PTPRD: variants seen among roughly 807,000 people sequenced by gnomAD.
PTPRD encodes protein tyrosine phosphatase receptor type D, also known as receptor-type tyrosine-protein phosphatase delta.
Under a neutral mutation model 214.5 loss-of-function variants are expected in PTPRD, and 34 were observed. The observed-to-expected ratio is 0.16, with a 90% CI of 0.12 to 0.21. PTPRD has a LOEUF of 0.21. Among genes scored for constraint, PTPRD ranks in the 10% least tolerant of loss-of-function variants. PTPRD has a pLI of 1.00. For missense variants in PTPRD, 2,545 were observed against 2,398.7 expected (o/e 1.06, Z -1.27); for synonymous variants, 1,128 against 845.7 (o/e 1.33, Z -5.79).
chr9:8,705,131 A>C (rs779419371), intron 12 of PTPRD, among the ~76,000 whole-genome samples: 1 of 152,148 alleles, frequency 6.6e-6, no homozygotes, highest in Non-Finnish European at 1.5e-5. Context: ...CCACTCCCTG[A>C]CCCAAGGATT....
intron 20 of PTPRD, among the ~76,000 whole-genome samples, chr9:8,520,993 G>A (rs2097880191): frequency 6.6e-6 from 1 of 152,014 alleles, no homozygotes; most frequent in Non-Finnish European, 1.5e-5. Flanking sequence ...GGTCGACCAT[G>A]TGTAAAATTC....
intron 5 of PTPRD, among the ~76,000 whole-genome samples, chr9:9,795,008 A>G (rs1296571983): frequency 6.6e-6 from 1 of 152,218 alleles, no homozygotes; most frequent in African/African-American, 2.4e-5. Context: ...CTTAAAACCA[A>G]CAGCTTGAGC....
chr9:9,081,823 CTTT>C (rs201454000), intron 10 of PTPRD, among the ~76,000 whole-genome samples: 1,568 of 137,658 alleles, frequency 0.011, 22 homozygotes, highest in African/African-American at 0.039. Context: ...GCAACTCCTG[CTTT>C]TTTTTTTTTT....
At chr9:10,603,726 C>G (rs1480445636) in intron 2 of PTPRD, among the ~76,000 whole-genome samples, 1 of 151,780 alleles carries the variant, frequency 6.6e-6, no homozygotes, top group African/African-American at 2.4e-5. Context: ...TTATTACCTT[C>G]TATCTGAAGA....
intron 2 of PTPRD, among the ~76,000 whole-genome samples, chr9:10,380,546 CAT>C (rs2097799173): frequency 6.6e-6 from 1 of 152,034 alleles, no homozygotes; most frequent in Non-Finnish European, 1.5e-5. Flanking sequence ...TTTACTACCA[CAT>C]GACTGAAACA....
chr9:9,709,706 A>T (rs1443050064), intron 7 of PTPRD, among the ~76,000 whole-genome samples: 2 of 152,008 alleles, frequency 1.3e-5, no homozygotes, highest in East Asian at 3.9e-4. Context: ...AAATTTAAGC[A>T]AATCTTAAAG....
chr9:8,339,290 C>T (rs1486872309), intron 42 of PTPRD, among the ~76,000 whole-genome samples: 1 of 152,114 alleles, frequency 6.6e-6, no homozygotes, highest in East Asian at 1.9e-4. Context: ...ATAGTAGCTG[C>T]TTAATATACA....
intron 11 of PTPRD, among the ~76,000 whole-genome samples, chr9:8,796,379 C>T (rs925730832): frequency 1.3e-5 from 2 of 152,072 alleles, no homozygotes; most frequent in Non-Finnish European, 2.9e-5. Flanking sequence ...ACCATTAATA[C>T]AAAATGTTCT....
At chr9:8,529,041 A>G (rs1288952763) in intron 14 of PTPRD, among the ~76,000 whole-genome samples, 1 of 152,118 alleles carries the variant, frequency 6.6e-6, no homozygotes, top group South Asian at 2.1e-4. Flanking sequence ...CCAAGAGCAA[A>G]GAGGGAGAAA....
chr9:10,136,716 A>T (rs1398535744), intron 3 of PTPRD, among the ~76,000 whole-genome samples: 2 of 84,394 alleles, frequency 2.4e-5, no homozygotes, highest in Non-Finnish European at 4.4e-5. Flanking sequence ...TAATTAAACT[A>T]AAGAGCTTCT....
intron 8 of PTPRD, among the ~76,000 whole-genome samples, chr9:9,565,503 G>A (rs894053181): frequency 3.3e-5 from 5 of 151,638 alleles, no homozygotes; most frequent in Non-Finnish European, 3.0e-5. Flanking sequence ...GAATGATGAT[G>A]GATTTCTGAA....
At chr9:10,056,842 T>A (rs997020306) in intron 3 of PTPRD, among the ~76,000 whole-genome samples, 3 of 152,186 alleles carry the variant, frequency 2.0e-5, no homozygotes, top group Non-Finnish European at 4.4e-5. Flanking sequence ...TTGAGTATTA[T>A]TTATTGCACA....
At chr9:9,271,666 T>C (rs935739660) in intron 9 of PTPRD, among the ~76,000 whole-genome samples, 1 of 151,392 alleles carries the variant, frequency 6.6e-6, no homozygotes, top group African/African-American at 2.4e-5. Context: ...TGCAAAAATG[T>C]ATTGGTTAAA....
chr9:8,498,867 G>T (rs939195475), intron 25 of PTPRD, among the ~76,000 whole-genome samples: 2 of 152,002 alleles, frequency 1.3e-5, no homozygotes, highest in Non-Finnish European at 2.9e-5. Flanking sequence ...TTTATTATGG[G>T]ACTATCTTTG....
intron 5 of PTPRD, among the ~76,000 whole-genome samples, chr9:9,799,006 T>G (rs1285159524): frequency 2.6e-5 from 4 of 152,204 alleles, no homozygotes; most frequent in Non-Finnish European, 5.9e-5. Flanking sequence ...ATCCCCATCT[T>G]ACTTATTAAC....
At chr9:8,592,994 G>A (rs1451234113) in intron 14 of PTPRD, among the ~76,000 whole-genome samples, 1 of 152,172 alleles carries the variant, frequency 6.6e-6, no homozygotes, top group African/African-American at 2.4e-5. Context: ...CATTTGGGAA[G>A]CTCAGGATGT....
chr9:8,906,626 C>A (rs1300828925), intron 11 of PTPRD, among the ~76,000 whole-genome samples: 1 of 152,072 alleles, frequency 6.6e-6, no homozygotes, highest in African/African-American at 2.4e-5. Flanking sequence ...TGCTGAAATT[C>A]CACTAATAGT....
chr9:8,695,236 A>G (rs1348366825), intron 12 of PTPRD, among the ~76,000 whole-genome samples: 2 of 152,102 alleles, frequency 1.3e-5, no homozygotes, highest in Non-Finnish European at 2.9e-5. Context: ...GAGTAAATAA[A>G]CCCTTCTCAA....
chr9:10,356,974 C>A (rs1435990854), intron 2 of PTPRD, among the ~76,000 whole-genome samples: 1 of 152,110 alleles, frequency 6.6e-6, no homozygotes, highest in Non-Finnish European at 1.5e-5. Flanking sequence ...AGCCACCACG[C>A]CCGGCCCATA....
Sources: allele counts gnomAD v4.1 joint callset (sites outside exome capture counted in the v4.1 genomes callset), GRCh38; gene constraint gnomAD v4.1.1; transcripts MANE v1.5; gene names NCBI Gene and HGNC (gene_info 2026-07-23, HGNC 2026-07-21).